Variants in WDR70 observed in about 807,000 individuals in gnomAD.
WDR70 encodes the protein WD repeat domain 70.
In WDR70, 53 loss-of-function variants were observed where a neutral mutation model predicts 88.6. The ratio of observed to expected loss-of-function variants is 0.60; its 90% confidence interval spans 0.48 to 0.75. The LOEUF (loss-of-function observed/expected upper bound fraction) is 0.75. Among genes scored for constraint, WDR70 ranks in the 30% least tolerant of loss-of-function variants. The probability of loss-of-function intolerance (pLI) is 0.00; values close to 1 mark genes in which losing one functional copy is unlikely to be tolerated. For missense variants in WDR70, 610 were observed against 823.2 expected (o/e 0.74, Z 3.17); for synonymous variants, 280 against 270.0 (o/e 1.04, Z -0.36).
chr5:37,564,173 G>T (rs1411851902), intron 9 of WDR70, among the ~76,000 whole-genome samples: 2 of 151,386 alleles, frequency 1.3e-5, no homozygotes, highest in Non-Finnish European at 3.0e-5. Flanking sequence ...GCCAAGGCAG[G>T]CAGCTGGGAG....
chr5:37,629,788 T>C (rs1338187822), intron 10 of WDR70, among the ~76,000 whole-genome samples: 1 of 152,234 alleles, frequency 6.6e-6, no homozygotes, highest in Non-Finnish European at 1.5e-5. Context: ...ATTATGATTG[T>C]GGTCTGTTAC....
chr5:37,664,555 T>C (rs1194183324), intron 10 of WDR70, among the ~76,000 whole-genome samples: 2 of 152,242 alleles, frequency 1.3e-5, no homozygotes, highest in African/African-American at 4.8e-5. Context: ...CCATCTTCTA[T>C]TCCTTCTGAA....
At chr5:37,650,004 T>C in intron 10 of WDR70, among the ~76,000 whole-genome samples, 3 of 52,868 alleles carry the variant, frequency 5.7e-5, no homozygotes, top group Non-Finnish European at 2.1e-4. Flanking sequence ...CCCAAAGTGC[T>C]GGGATTACAG....
chr5:37,653,784 T>C (rs1426448643), intron 10 of WDR70, among the ~76,000 whole-genome samples: 1 of 152,218 alleles, frequency 6.6e-6, no homozygotes, highest in African/African-American at 2.4e-5. Context: ...TCAGTGGTGA[T>C]ATCCCCTTTA....
intron 9 of WDR70, among the ~76,000 whole-genome samples, chr5:37,581,269 AGT>A (rs1743210242): frequency 6.6e-6 from 1 of 152,122 alleles, no homozygotes; most frequent in Non-Finnish European, 1.5e-5. Context: ...GAATGTAGAC[AGT>A]ATCCTGAACA....
In WDR70 at chr5:37,476,269, G is replaced by A. The variant is rs974329688; in HGVS notation, c.687-3565G>A. 3.9e-5 allele frequency among the ~76,000 whole-genome samples: 6 copies of A among 152,046 alleles called. No individual in the cohort carries two copies. The South Asian group carries it at 1.0e-3, about 26-fold the overall frequency. On this transcript the variant is annotated intron_variant, in intron 7 of 17. Transcript: ENST00000265107. Reference sequence around the variant, plus strand: ...ACTTAACAAAGTCTATTATAAATTAGTACTTTTACTACTTCCCAGTCAATA... The same window carrying A: ...ACTTAACAAAGTCTATTATAAATTAATACTTTTACTACTTCCCAGTCAATA...
intron 10 of WDR70, among the ~76,000 whole-genome samples, chr5:37,688,847 G>C (rs1158473220): frequency 1.4e-5 from 2 of 140,588 alleles, no homozygotes; most frequent in African/African-American, 2.5e-5. Context: ...AGTGGGTGCA[G>C]CCCATGGAGG....
chr5:37,516,668 G>T, intron 9 of WDR70, 78 bp downstream of exon 9: 1 of 858,756 alleles, frequency 1.2e-6, no homozygotes, highest in Non-Finnish European at 1.8e-6. Flanking sequence ...TTACAATCTT[G>T]GCAGTAATGT....
intron 13 of WDR70, among the ~76,000 whole-genome samples, chr5:37,704,433 T>G (rs1747262542): frequency 6.6e-6 from 1 of 152,222 alleles, no homozygotes; most frequent in Non-Finnish European, 1.5e-5. Context: ...ATGATTGCAC[T>G]TTTAAAGACA....
intron 5 of WDR70, among the ~76,000 whole-genome samples, chr5:37,418,451 C>T (rs549156467): frequency 9.2e-4 from 140 of 152,186 alleles, no homozygotes; most frequent in African/African-American, 3.3e-3. Flanking sequence ...TCCTGAGTAG[C>T]TGGGACTACA....
chr5:37,473,234 C>G (rs1338934960), intron 7 of WDR70, among the ~76,000 whole-genome samples: 3 of 148,028 alleles, frequency 2.0e-5, no homozygotes, highest in African/African-American at 7.7e-5. Flanking sequence ...TCTTTTTATT[C>G]TTTTTTTTTT....
At chr5:37,524,818 G>A (rs1391822238) in intron 9 of WDR70, among the ~76,000 whole-genome samples, 1 of 152,016 alleles carries the variant, frequency 6.6e-6, no homozygotes, top group Non-Finnish European at 1.5e-5. Context: ...CAAAAAGGTA[G>A]GGGTTGGAAT....
At chr5:37,387,074 G>A (rs1395677729) in intron 3 of WDR70, among the ~76,000 whole-genome samples, 2 of 151,034 alleles carry the variant, frequency 1.3e-5, no homozygotes, top group Non-Finnish European at 2.9e-5. Context: ...ACTCCAGCCT[G>A]GGCGACGAGA....
chr5:37,497,190 A>ACTCCCTC (rs1397994470), intron 8 of WDR70, among the ~76,000 whole-genome samples: 7 of 62,954 alleles, frequency 1.1e-4, no homozygotes, highest in Non-Finnish European at 2.1e-4. Context: ...TTCCCCCCTC[A>ACTCCCTC]CTCCCTGCCT....
At chr5:37,716,925 T>C (rs568054665) in intron 13 of WDR70, among the ~76,000 whole-genome samples, 1 of 152,286 alleles carries the variant, frequency 6.6e-6, no homozygotes, top group South Asian at 2.1e-4. Flanking sequence ...CTCGACATCG[T>C]GCTCTCTTTC....
At chr5:37,512,381 G>A (rs1000591650) in intron 8 of WDR70, among the ~76,000 whole-genome samples, 1 of 151,814 alleles carries the variant, frequency 6.6e-6, no homozygotes, top group Non-Finnish European at 1.5e-5. Context: ...GCCACCACAC[G>A]TGGCTAATTT....
At chr5:37,749,094 A>G (rs770636482) in intron 17 of WDR70, among the ~76,000 whole-genome samples, 5 of 152,232 alleles carry the variant, frequency 3.3e-5, no homozygotes, top group Non-Finnish European at 7.3e-5. Context: ...TGACCCAGCA[A>G]TCCCATTACT....
intron 15 of WDR70, chr5:37,724,542 ACT>A (rs1197214756): frequency 1.2e-5 from 2 of 171,114 alleles, no homozygotes; most frequent in African/African-American, 4.8e-5. Flanking sequence ...ATCTGAGGAA[ACT>A]TCAGGGCTGA....
At chr5:37,401,860 A>G (rs141752074) in intron 5 of WDR70, among the ~76,000 whole-genome samples, 1 of 152,334 alleles carries the variant, frequency 6.6e-6, no homozygotes, top group East Asian at 1.9e-4. Flanking sequence ...ACCTGTATAC[A>G]GAGTGTAATG....
Sources: gnomAD v4.1 joint callset for allele counts (sites outside exome capture counted in the v4.1 genomes callset) on GRCh38, gnomAD v4.1.1 for gene constraint, MANE v1.5 for transcripts, NCBI Gene and HGNC (gene_info 2026-07-23, HGNC 2026-07-21) for gene names.